The following AKAP13 variants were observed in gnomAD, a reference collection of about 807,000 sequenced individuals.
AKAP13 encodes A-kinase anchor protein 13.
AKAP13 carries 80 observed loss-of-function variants against 264.5 expected under a neutral mutation model. The observed-to-expected ratio is 0.30, with a 90% confidence interval of 0.25 to 0.36. The LOEUF is 0.36. AKAP13 is among the 10% of genes least tolerant of loss of function. The probability of loss-of-function intolerance (pLI) is 1.00; values close to 1 mark genes in which losing one functional copy is unlikely to be tolerated. For synonymous variants in AKAP13, 1,380 were observed against 1,250.2 expected (o/e 1.10, Z -2.19); for missense variants, 3,712 against 3,435.2 (o/e 1.08, Z -2.01).
In AKAP13 at chr15:85,581,888, G is replaced by C; in HGVS notation, c.3820G>C (p.Glu1274Gln). ...CGCTGGAGCACTGCTTACTGAGGGG[G>C]AGGCCTGTCACATGTCACTGTCCAG... is the stretch of plus-strand genomic sequence containing the variant. ...KAAGALLTEGEACHMSLSSPE... is the reference protein window; with the variant it reads ...KAAGALLTEGQACHMSLSSPE... The change falls in exon 7 of 37, where the codon GAG (glutamate) becomes CAG (glutamine). Residue 1274 changes from glutamate to glutamine, a missense_variant. Physicochemically the swap from Glu to Gln is conservative, Grantham distance 29. Coordinates refer to ENST00000394518, the MANE Select transcript of AKAP13 (RefSeq NM_007200.5). 6.2e-7 allele frequency: 1 copy of C among 1,614,174 alleles called. No individual in the cohort carries two copies. The highest frequency in any genetic ancestry group is 8.5e-7 in the Non-Finnish European group (1 of 1,179,994).
At chr15:85,385,918 T>G (rs1200395731) in intron 1 of AKAP13, among the ~76,000 whole-genome samples, 1 of 152,118 alleles carries the variant, frequency 6.6e-6, no homozygotes, top group Admixed American at 6.5e-5. Flanking sequence ...GTCTGCCTCC[T>G]GGGTTCAAGT....
intron 5 of AKAP13, among the ~76,000 whole-genome samples, chr15:85,565,628 A>C (rs539910031): frequency 6.6e-6 from 1 of 152,340 alleles, no homozygotes; most frequent in Non-Finnish European, 1.5e-5. Flanking sequence ...AAGGAGACTG[A>C]ATGTGGAAGA....
At chr15:85,489,661 A>G (rs2075669871) in intron 2 of AKAP13, among the ~76,000 whole-genome samples, 1 of 152,238 alleles carries the variant, frequency 6.6e-6, no homozygotes, top group African/African-American at 2.4e-5. Flanking sequence ...GCTGCTAAAT[A>G]AGGAAAAACA....
At chr15:85,527,920 T>C (rs1328547975) in intron 3 of AKAP13, among the ~76,000 whole-genome samples, 1 of 152,206 alleles carries the variant, frequency 6.6e-6, no homozygotes, top group Non-Finnish European at 1.5e-5. Context: ...TTTTCCATCA[T>C]TTTTTCTCTT....
intron 14 of AKAP13, among the ~76,000 whole-genome samples, chr15:85,675,283 G>C (rs1370678622): frequency 6.6e-6 from 1 of 152,140 alleles, no homozygotes; most frequent in Admixed American, 6.5e-5. Context: ...TCTTACTTTT[G>C]CACAAGACTC....
intron 33 of AKAP13, among the ~76,000 whole-genome samples, chr15:85,739,021 C>G (rs946145889): frequency 1.3e-5 from 2 of 152,176 alleles, no homozygotes; most frequent in African/African-American, 4.8e-5. Context: ...AAACATTTCC[C>G]CAAGGCATGT....
In AKAP13 at chr15:85,613,691, A is replaced by AAAAAAAAT. The variant is rs1313187436; in HGVS notation, c.4162-25682_4162-25681insAAAAAATA. ...GCCAGACTCCGTCTAAAAAAAAAAA[A>AAAAAAAAT]ATATATATATATATATATATATTAG... On this transcript the variant is annotated intron_variant, in intron 8 of 36. Coordinates refer to ENST00000394518, the MANE Select transcript of AKAP13 (RefSeq NM_007200.5). 3.6e-3 allele frequency among the ~76,000 whole-genome samples: 335 copies of AAAAAAAAT among 91,942 alleles called. 7 individuals are homozygous for AAAAAAAAT. The highest frequency in any genetic ancestry group is 4.7e-3 in the Non-Finnish European group (213 of 45,068). The allele number at this position is 91,942 out of a possible 152,430, so 60.3% of individuals were successfully genotyped here. A position where few individuals can be genotyped will look rare whatever the true frequency, so the allele number is the denominator to read the frequency against.
At chr15:85,546,501 G>A (rs2077750570) in intron 5 of AKAP13, among the ~76,000 whole-genome samples, 1 of 152,110 alleles carries the variant, frequency 6.6e-6, no homozygotes, top group African/African-American at 2.4e-5. Flanking sequence ...AAAGTGGTTG[G>A]ATGAAGATAA....
At chr15:85,623,741 A>G (rs2151427103) in intron 8 of AKAP13, among the ~76,000 whole-genome samples, 1 of 152,360 alleles carries the variant, frequency 6.6e-6, no homozygotes, top group Non-Finnish European at 1.5e-5. Context: ...TCTGTTCTCC[A>G]GCGTAACATA....
chr15:85,655,914 G>A, intron 11 of AKAP13, 127 bp downstream of exon 11: 2 of 1,384,558 alleles, frequency 1.4e-6, no homozygotes, highest in Non-Finnish European at 1.9e-6. Flanking sequence ...TATAGGCTTT[G>A]GAATCAGGAA....
At chr15:85,673,494 C>G (rs2084029743) in intron 14 of AKAP13, among the ~76,000 whole-genome samples, 1 of 152,054 alleles carries the variant, frequency 6.6e-6, no homozygotes, top group African/African-American at 2.4e-5. Context: ...AGAAACTTCT[C>G]CATGGAATGT....
chr15:85,550,625 C>T (rs1392015611), intron 5 of AKAP13, among the ~76,000 whole-genome samples: 4 of 152,192 alleles, frequency 2.6e-5, no homozygotes, highest in African/African-American at 4.8e-5. Context: ...CAAGTGGGTC[C>T]TCAGTAGCCC....
Position 85,433,948 on chromosome 15 carries a change from A to AAAAAAT in AKAP13, c.-11-51757_-11-51756insTAAAAA, listed in dbSNP as rs1232989177. 7.9e-4 allele frequency among the ~76,000 whole-genome samples: 19 copies of AAAAAAT among 23,980 alleles called. No homozygotes were observed. The East Asian group carries it at 0.014, about 17-fold the overall frequency. The allele number at this position is 23,980 out of a possible 152,430, so 15.7% of individuals were successfully genotyped here. ...AGAGCGAGACTCTGTCTCAAAAAATAAAAAAATAAAAAATAGGGAGGAGCC... is the reference window on the plus strand; with the variant it reads ...AGAGCGAGACTCTGTCTCAAAAAATAAAAAATAAAAAATAAAAAATAGGGAGGAGCC... On this transcript the variant is annotated intron_variant, in intron 1 of 36. Coordinates refer to ENST00000394518, the MANE Select transcript of AKAP13 (RefSeq NM_007200.5).
At chr15:85,465,683 TATC>T (rs2074710810) in intron 1 of AKAP13, among the ~76,000 whole-genome samples, 1 of 151,566 alleles carries the variant, frequency 6.6e-6, no homozygotes, top group African/African-American at 2.4e-5. Context: ...GACATGAACT[TATC>T]ATTTTTTATG....
chr15:85,555,351 CT>C (rs1317113588), intron 5 of AKAP13: 1 of 1,089,678 alleles, frequency 9.2e-7, no homozygotes, highest in Admixed American at 2.3e-5. Flanking sequence ...GCTGCAGTTC[CT>C]TGTCAGAAGT....
intron 1 of AKAP13, among the ~76,000 whole-genome samples, chr15:85,420,933 G>A (rs984138914): frequency 4.6e-5 from 7 of 152,014 alleles, no homozygotes; most frequent in Admixed American, 2.6e-4. Flanking sequence ...AAAAAAAATC[G>A]GAATTCTGCA....
At chr15:85,609,984 C>T (rs1416457902) in intron 8 of AKAP13, among the ~76,000 whole-genome samples, 2 of 152,144 alleles carry the variant, frequency 1.3e-5, no homozygotes, top group African/African-American at 2.4e-5. Flanking sequence ...CATACAGTTG[C>T]TCCTGCTGTA....
At chr15:85,739,510 G>T (rs907562669) in intron 33 of AKAP13, among the ~76,000 whole-genome samples, 1 of 151,918 alleles carries the variant, frequency 6.6e-6, no homozygotes, top group Non-Finnish European at 1.5e-5. Flanking sequence ...TTAAATGAAA[G>T]ATTTTTCCAT....
chr15:85,732,099 C>T (rs887143932), intron 30 of AKAP13, among the ~76,000 whole-genome samples: 3 of 132,746 alleles, frequency 2.3e-5, no homozygotes, highest in Non-Finnish European at 3.2e-5. Flanking sequence ...AAAAAAAAAA[C>T]GTTTGATGGA....
Sources: allele counts gnomAD v4.1 joint callset (sites outside exome capture counted in the v4.1 genomes callset), GRCh38; gene constraint gnomAD v4.1.1; transcripts MANE v1.5; gene names NCBI Gene and HGNC (gene_info 2026-07-23, HGNC 2026-07-21).